The following RBFOX1 variants were observed in gnomAD, a reference collection of about 807,000 sequenced individuals.
The protein encoded by RBFOX1 is RNA binding fox-1 homolog 1, also known as RNA binding protein fox-1 homolog 1.
A neutral mutation model predicts 57.7 loss-of-function variants in RBFOX1; 8 were observed. That is an observed-to-expected ratio of 0.14 (90% CI 0.08 to 0.25). RBFOX1 has a LOEUF of 0.25. Ranked by LOEUF, RBFOX1 falls within the 10% of genes least tolerant of loss-of-function variation. RBFOX1 has a pLI of 1.00. For synonymous variants in RBFOX1, 326 were observed against 222.4 expected (o/e 1.47, Z -4.15); for missense variants, 611 against 548.5 (o/e 1.11, Z -1.14).
intron 4 of RBFOX1, chr16:7,510,049 G>T: frequency 1.5e-6 from 1 of 660,546 alleles, no homozygotes; most frequent in Non-Finnish European, 1.9e-6. Context: ...GCCAGAGGAG[G>T]AGCAAGCTGT....
At chr16:5,416,075 A>C (rs1470218379) in intron 1 of RBFOX1, among the ~76,000 whole-genome samples, 1 of 152,204 alleles carries the variant, frequency 6.6e-6, no homozygotes, top group Non-Finnish European at 1.5e-5. Context: ...GCTGAAATTT[A>C]AGTCTTACAC....
intron 1 of RBFOX1, among the ~76,000 whole-genome samples, chr16:6,316,373 C>G (rs1332732189): frequency 1.3e-5 from 2 of 152,120 alleles, no homozygotes; most frequent in African/African-American, 2.4e-5. Context: ...GTGATGATAG[C>G]CATATTTATG....
chr16:5,897,287 G>A (rs986693953), intron 4 of RBFOX1, among the ~76,000 whole-genome samples: 3 of 149,890 alleles, frequency 2.0e-5, no homozygotes, highest in Non-Finnish European at 3.0e-5. Context: ...CACCCGCCTC[G>A]GCCTCCCAAA....
At chr16:5,564,526 G>T (rs1478447694) in intron 2 of RBFOX1, among the ~76,000 whole-genome samples, 2 of 152,104 alleles carry the variant, frequency 1.3e-5, no homozygotes, top group Non-Finnish European at 2.9e-5. Context: ...CACGTGTCAG[G>T]TGTGTACCCT....
chr16:7,587,421 C>T (rs887303485), intron 7 of RBFOX1, 121 bp downstream of exon 7: 3 of 1,032,132 alleles, frequency 2.9e-6, no homozygotes, highest in African/African-American at 1.7e-5. Context: ...AGTGGGAATT[C>T]CTTTAGAGAC....
At chr16:5,609,149 C>G (rs1445636716) in intron 3 of RBFOX1, among the ~76,000 whole-genome samples, 2 of 152,104 alleles carry the variant, frequency 1.3e-5, no homozygotes, top group African/African-American at 4.8e-5. Flanking sequence ...GGAGAGGGCT[C>G]TGTGCTGTGT....
At chr16:6,379,731 A>G (rs2091596725) in intron 2 of RBFOX1, among the ~76,000 whole-genome samples, 2 of 152,040 alleles carry the variant, frequency 1.3e-5, no homozygotes, top group African/African-American at 2.4e-5. Flanking sequence ...GATGGTGGGA[A>G]TATGCCAGAG....
chr16:7,605,224 A>C (rs548967512), intron 9 of RBFOX1, among the ~76,000 whole-genome samples: 1 of 152,304 alleles, frequency 6.6e-6, no homozygotes, highest in East Asian at 1.9e-4. Flanking sequence ...TTCCATACTC[A>C]TAAAACACAT....
chr16:7,390,425 G>T (rs1203754342), intron 4 of RBFOX1, among the ~76,000 whole-genome samples: 1 of 152,138 alleles, frequency 6.6e-6, no homozygotes, highest in Non-Finnish European at 1.5e-5. Context: ...AGAAGACTTG[G>T]GTTTAAGTTT....
intron 3 of RBFOX1, among the ~76,000 whole-genome samples, chr16:5,752,712 A>G (rs1187947282): frequency 6.6e-6 from 1 of 152,188 alleles, no homozygotes; most frequent in Non-Finnish European, 1.5e-5. Flanking sequence ...GAGGGCGTAT[A>G]AGCAGTTGGG....
chr16:6,488,442 C>T (rs969354582), intron 2 of RBFOX1, among the ~76,000 whole-genome samples: 7 of 152,164 alleles, frequency 4.6e-5, no homozygotes, highest in Admixed American at 2.0e-4. Flanking sequence ...TACTGACTCC[C>T]TCTGTGCATC....
At chr16:6,875,970 C>G (rs776592641) in intron 3 of RBFOX1, among the ~76,000 whole-genome samples, 1 of 151,922 alleles carries the variant, frequency 6.6e-6, no homozygotes, top group African/African-American at 2.4e-5. Context: ...TGCACTTCAG[C>G]CTGGGCAACA....
intron 3 of RBFOX1, among the ~76,000 whole-genome samples, chr16:6,983,991 T>G (rs903296118): frequency 1.3e-5 from 2 of 152,178 alleles, no homozygotes; most frequent in Non-Finnish European, 2.9e-5. Context: ...CTGAACCCTG[T>G]AATTCCAGCA....
intron 3 of RBFOX1, among the ~76,000 whole-genome samples, chr16:5,802,020 G>A (rs1056613339): frequency 2.6e-5 from 4 of 152,140 alleles, no homozygotes; most frequent in African/African-American, 9.7e-5. Flanking sequence ...GCTGGAGGAA[G>A]AGGAGACCTT....
chr16:5,373,659 C>A (rs1043215745), intron 1 of RBFOX1, among the ~76,000 whole-genome samples: 3 of 151,742 alleles, frequency 2.0e-5, no homozygotes, highest in Non-Finnish European at 4.4e-5. Context: ...GGCTGGTGTG[C>A]GGTGGTGCGA....
intron 4 of RBFOX1, among the ~76,000 whole-genome samples, chr16:5,991,587 G>T (rs2060398179): frequency 6.6e-6 from 1 of 151,844 alleles, no homozygotes; most frequent in African/African-American, 2.4e-5. Context: ...TGGAGCAATT[G>T]CACAAGGAGA....
intron 2 of RBFOX1, among the ~76,000 whole-genome samples, chr16:5,568,138 T>C (rs1328035077): frequency 6.6e-6 from 1 of 152,204 alleles, no homozygotes; most frequent in Non-Finnish European, 1.5e-5. Context: ...TCTGAAGTAC[T>C]CAGCATTGCA....
intron 1 of RBFOX1, among the ~76,000 whole-genome samples, chr16:6,114,585 T>C (rs949125689): frequency 1.3e-5 from 2 of 152,182 alleles, no homozygotes; most frequent in Non-Finnish European, 2.9e-5. Context: ...GCGTAACTTA[T>C]GGACTACTAA....
intron 4 of RBFOX1, among the ~76,000 whole-genome samples, chr16:7,291,363 C>G (rs1292386410): frequency 6.6e-6 from 1 of 152,140 alleles, no homozygotes; most frequent in Non-Finnish European, 1.5e-5. Context: ...AGGAACTTAC[C>G]TAAGTATAGC....
Sources: allele counts gnomAD v4.1 joint callset (sites outside exome capture counted in the v4.1 genomes callset), GRCh38; gene constraint gnomAD v4.1.1; transcripts MANE v1.5; gene names NCBI Gene and HGNC (gene_info 2026-07-23, HGNC 2026-07-21).